The following ARB2A variants were observed in gnomAD, a reference collection of about 807,000 sequenced individuals.
ARB2A encodes the protein ARB2 cotranscriptional regulator A, also known as cotranscriptional regulator ARB2A.
the ARB2A span, among the ~76,000 whole-genome samples, chr5:94,097,712 T>C: frequency 3.3e-5 from 5 of 152,086 alleles, no homozygotes; most frequent in Non-Finnish European, 2.9e-5. Context: ...GGTATGTCTT[T>C]ATCAGCAGCA....
the ARB2A span, among the ~76,000 whole-genome samples, chr5:93,940,634 A>G: frequency 2.0e-5 from 3 of 152,172 alleles, no homozygotes; most frequent in South Asian, 4.1e-4. Flanking sequence ...TATCAGAAGC[A>G]TACTGAGCAA....
the ARB2A span, among the ~76,000 whole-genome samples, chr5:93,674,168 T>G: frequency 6.6e-6 from 1 of 151,866 alleles, no homozygotes; most frequent in Non-Finnish European, 1.5e-5. Flanking sequence ...AAGTTTCAAT[T>G]AAAACATCTA....
the ARB2A span, chr5:93,881,479 C>A: frequency 6.2e-7 from 1 of 1,609,312 alleles, no homozygotes; most frequent in Non-Finnish European, 8.5e-7. Flanking sequence ...CTCTGATATA[C>A]AATTGCATCA....
chr5:93,653,548 A>AAAAAAAAAAAC, the ARB2A span, among the ~76,000 whole-genome samples: 1 of 130,476 alleles, frequency 7.7e-6, no homozygotes, highest in Non-Finnish European at 1.6e-5. Flanking sequence ...AAAAAAAAAA[A>AAAAAAAAAAAC]AAAAAAAAGA....
At chr5:94,063,896 T>G in the ARB2A span, among the ~76,000 whole-genome samples, 1 of 152,020 alleles carries the variant, frequency 6.6e-6, no homozygotes, top group Non-Finnish European at 1.5e-5. Context: ...GAAGAGTTGA[T>G]TCTCACACCA....
chr5:93,980,837 G>A, the ARB2A span, among the ~76,000 whole-genome samples: 2 of 151,704 alleles, frequency 1.3e-5, no homozygotes, highest in Non-Finnish European at 2.9e-5. Context: ...ATGTTTTCAA[G>A]CATTTTAAAT....
At chr5:93,973,555 G>C in the ARB2A span, among the ~76,000 whole-genome samples, 2 of 152,060 alleles carry the variant, frequency 1.3e-5, no homozygotes, top group African/African-American at 4.8e-5. Flanking sequence ...GCAGATACAA[G>C]AAATCCAGAG....
chr5:93,670,561 C>T, the ARB2A span, among the ~76,000 whole-genome samples: 1 of 152,180 alleles, frequency 6.6e-6, no homozygotes, highest in Non-Finnish European at 1.5e-5. Flanking sequence ...CTGTTATTTT[C>T]ACTTAGAAAT....
the ARB2A span, among the ~76,000 whole-genome samples, chr5:93,635,614 A>G: frequency 2.0e-5 from 3 of 151,736 alleles, no homozygotes; most frequent in African/African-American, 7.3e-5. Flanking sequence ...TAATTTTTGT[A>G]TTTTTGGTAG....
the ARB2A span, among the ~76,000 whole-genome samples, chr5:93,988,059 A>G: frequency 6.6e-6 from 1 of 151,964 alleles, no homozygotes; most frequent in Admixed American, 6.6e-5. Flanking sequence ...CTCCCCTTAC[A>G]TTCATTCATC....
chr5:94,089,630 C>T, the ARB2A span, among the ~76,000 whole-genome samples: 2 of 151,634 alleles, frequency 1.3e-5, no homozygotes, highest in Non-Finnish European at 2.9e-5. Flanking sequence ...CACACACACA[C>T]ACACACACAC....
At chr5:93,933,244 C>T in the ARB2A span, among the ~76,000 whole-genome samples, 6 of 152,134 alleles carry the variant, frequency 3.9e-5, no homozygotes, top group Non-Finnish European at 5.9e-5. Flanking sequence ...GACAGTGTGG[C>T]GATTCCTCAA....
At chr5:93,650,626 C>T in the ARB2A span, among the ~76,000 whole-genome samples, 2 of 151,798 alleles carry the variant, frequency 1.3e-5, no homozygotes, top group Non-Finnish European at 2.9e-5. Flanking sequence ...CTCCTGAATC[C>T]CAAATTTGGT....
At chr5:93,932,333 A>G in the ARB2A span, among the ~76,000 whole-genome samples, 3 of 152,336 alleles carry the variant, frequency 2.0e-5, no homozygotes, top group Non-Finnish European at 2.9e-5. Flanking sequence ...ACTAAAACAG[A>G]TATCTTGTTA....
At chr5:94,016,002 TG>T in the ARB2A span, among the ~76,000 whole-genome samples, 1 of 152,130 alleles carries the variant, frequency 6.6e-6, no homozygotes, top group Non-Finnish European at 1.5e-5. Flanking sequence ...AGTTGCTCAA[TG>T]GGTAAGAAAC....
At chr5:93,804,045 A>G in the ARB2A span, among the ~76,000 whole-genome samples, 1 of 152,156 alleles carries the variant, frequency 6.6e-6, no homozygotes, top group South Asian at 2.1e-4. Context: ...ATACCCATAA[A>G]TACATTTGAT....
chr5:94,024,550 T>G, the ARB2A span, among the ~76,000 whole-genome samples: 2 of 151,892 alleles, frequency 1.3e-5, no homozygotes, highest in Admixed American at 1.3e-4. Context: ...TATGATGAAC[T>G]CCCTCCCCAG....
chr5:93,817,083 C>G, the ARB2A span, among the ~76,000 whole-genome samples: 1 of 143,200 alleles, frequency 7.0e-6, no homozygotes, highest in East Asian at 1.9e-4. Flanking sequence ...AAGGAATACA[C>G]ACAAACACAC....
chr5:93,788,909 A>G, the ARB2A span, among the ~76,000 whole-genome samples: 1 of 152,130 alleles, frequency 6.6e-6, no homozygotes, highest in Admixed American at 6.6e-5. Flanking sequence ...GGATGGCTTC[A>G]CCCTAACCTA....
Sources: allele counts gnomAD v4.1 joint callset (sites outside exome capture counted in the v4.1 genomes callset), GRCh38; gene constraint gnomAD v4.1.1; transcripts MANE v1.5; gene names NCBI Gene and HGNC (gene_info 2026-07-23, HGNC 2026-07-21).